THRB: variants seen among roughly 807,000 people sequenced by gnomAD.
The protein encoded by THRB is thyroid hormone receptor beta, also known as nuclear receptor subfamily 1 group A member 2.
THRB carries 12 observed loss-of-function variants against 47.8 expected under a neutral mutation model. The observed-to-expected ratio is 0.25, with a 90% CI of 0.16 to 0.41. THRB has a LOEUF of 0.41. THRB is among the 10% of genes least tolerant of loss of function. The pLI is 1.00. For missense variants in THRB, 348 were observed against 589.2 expected, an observed-to-expected ratio of 0.59 and a Z score of 4.24; for synonymous variants, 218 against 212.2, an observed-to-expected ratio of 1.03 and a Z score of -0.24.
chr3:24,130,632 A>C (rs886984178), intron 9 of THRB, among the ~76,000 whole-genome samples: 17 of 152,130 alleles, frequency 1.1e-4, no homozygotes, highest in African/African-American at 4.1e-4. Flanking sequence ...GACAAAAGAG[A>C]ACGATGACAG....
At chr3:24,135,233 A>G (rs919715812) in intron 8 of THRB, among the ~76,000 whole-genome samples, 3 of 152,204 alleles carry the variant, frequency 2.0e-5, no homozygotes, top group Non-Finnish European at 4.4e-5. Flanking sequence ...CAGAAGAAAA[A>G]GCAAAAGATG....
intron 3 of THRB, among the ~76,000 whole-genome samples, chr3:24,278,979 G>C (rs571635560): frequency 1.3e-5 from 2 of 152,108 alleles, no homozygotes; most frequent in African/African-American, 4.8e-5. Context: ...CAAGTAGTTA[G>C]GACTACCGGT....
intron 2 of THRB, among the ~76,000 whole-genome samples, chr3:24,326,040 C>CA (rs2149335373): frequency 6.6e-6 from 1 of 152,288 alleles, no homozygotes; most frequent in Non-Finnish European, 1.5e-5. Context: ...CTAATGCCCT[C>CA]AGTCAAGGAT....
At chr3:24,346,956 T>A (rs1387739455) in intron 1 of THRB, among the ~76,000 whole-genome samples, 2 of 152,084 alleles carry the variant, frequency 1.3e-5, no homozygotes, top group African/African-American at 4.8e-5. Context: ...AGCCAACAAT[T>A]ACAGAATACA....
intron 1 of THRB, among the ~76,000 whole-genome samples, chr3:24,445,795 T>C (rs2072016569): frequency 6.6e-6 from 1 of 152,128 alleles, no homozygotes; most frequent in Non-Finnish European, 1.5e-5. Flanking sequence ...AAAGATGTAA[T>C]GCAAAACTAT....
intron 2 of THRB, among the ~76,000 whole-genome samples, chr3:24,322,721 G>T (rs2058563898): frequency 6.6e-6 from 1 of 152,174 alleles, no homozygotes; most frequent in African/African-American, 2.4e-5. Context: ...CAAGGCAATG[G>T]TTCATCTAGA....
At chr3:24,200,154 G>A (rs1322783995) in intron 4 of THRB, among the ~76,000 whole-genome samples, 2 of 152,118 alleles carry the variant, frequency 1.3e-5, no homozygotes, top group Non-Finnish European at 2.9e-5. Flanking sequence ...AGCCACAAAT[G>A]CACATAAAAG....
intron 3 of THRB, among the ~76,000 whole-genome samples, chr3:24,285,794 G>C (rs2055215936): frequency 6.6e-6 from 1 of 152,078 alleles, no homozygotes; most frequent in African/African-American, 2.4e-5. Context: ...GCATTACATT[G>C]ATTCCTAAGG....
intron 3 of THRB, among the ~76,000 whole-genome samples, chr3:24,295,172 C>T (rs918871388): frequency 3.9e-5 from 6 of 152,118 alleles, no homozygotes; most frequent in African/African-American, 1.4e-4. Flanking sequence ...AACATAGGCA[C>T]AGCATTGTAT....
intron 3 of THRB, among the ~76,000 whole-genome samples, chr3:24,245,973 G>A (rs1038608510): frequency 7.9e-5 from 12 of 152,134 alleles, no homozygotes; most frequent in Admixed American, 2.0e-4. Flanking sequence ...TGTGGGTTAC[G>A]TAAAGTGTAG....
At chr3:24,349,867 T>A (rs1344524449) in intron 1 of THRB, among the ~76,000 whole-genome samples, 3 of 151,212 alleles carry the variant, frequency 2.0e-5, no homozygotes, top group Non-Finnish European at 4.4e-5. Flanking sequence ...TAAAAGGAGG[T>A]AATAAAGGAA....
chr3:24,323,635 T>A (rs886257029), intron 2 of THRB, among the ~76,000 whole-genome samples: 8 of 152,204 alleles, frequency 5.3e-5, no homozygotes, highest in Non-Finnish European at 1.2e-4. Context: ...ATGTTCATTG[T>A]TCTATAATCC....
At chr3:24,178,232 A>C (rs2041430571) in intron 5 of THRB, among the ~76,000 whole-genome samples, 1 of 152,214 alleles carries the variant, frequency 6.6e-6, no homozygotes, top group African/African-American at 2.4e-5. Context: ...AAGATTGAAA[A>C]CTATTTCTGC....
At chr3:24,187,610 C>T (rs140812376) in intron 5 of THRB, among the ~76,000 whole-genome samples, 2 of 152,264 alleles carry the variant, frequency 1.3e-5, no homozygotes, top group East Asian at 3.9e-4. Flanking sequence ...CAATAAACAC[C>T]GATGAGTGAA....
At chr3:24,290,189 T>G (rs535870043) in intron 3 of THRB, among the ~76,000 whole-genome samples, 1 of 152,266 alleles carries the variant, frequency 6.6e-6, no homozygotes, top group Admixed American at 6.5e-5. Flanking sequence ...AGAAAAATAT[T>G]TGGTGCTTAG....
intron 4 of THRB, among the ~76,000 whole-genome samples, chr3:24,219,676 G>C (rs1382886828): frequency 6.6e-6 from 1 of 152,106 alleles, no homozygotes; most frequent in African/African-American, 2.4e-5. Context: ...TTTTTTGTAG[G>C]TACTCAGATG....
At position 24,432,035 on chromosome 3, in the gene THRB, G is replaced by T. The variant is rs894198072; in HGVS notation, c.-261+62617C>A. On this transcript the variant is annotated intron_variant, in intron 1 of 10. Coordinates refer to ENST00000646209, the MANE Select transcript of THRB (RefSeq NM_001354712.2). ...ACAGAAAATTGATAATAGGGAGGCA[G>T]GAGATAGGATCAGGGAGGAATACTA... is the stretch of plus-strand genomic sequence containing the variant. Among the ~76,000 whole-genome samples the T allele has an allele frequency of 9.2e-5, 14 of 152,152 alleles. No individual in the cohort carries two copies. The South Asian group carries it at 2.9e-3, about 32-fold the overall frequency.
chr3:24,307,511 T>C lies in THRB; in HGVS notation c.-188-10140A>G, dbSNP rs180749663. Among the ~76,000 whole-genome samples the C allele has an allele frequency of 2.6e-5, 4 of 152,304 alleles. No homozygotes were observed. In the East Asian group the frequency reaches 7.7e-4, roughly 29 times the overall value. ...ATAAACAGCACTTTCAATGACTTTA[T>C]ATAGTTCACCATGTAGATATAACAT... On this transcript the variant is annotated intron_variant, in intron 2 of 10. Transcript: ENST00000646209.
At chr3:24,476,643 T>A (rs11719769) in intron 1 of THRB, among the ~76,000 whole-genome samples, 29,395 of 152,154 alleles carry the variant, frequency 0.19, 3,634 homozygotes, top group East Asian at 0.45. Context: ...TTCTTTTGGA[T>A]TCAAAGGTAT....
Sources: allele counts gnomAD v4.1 joint callset (sites outside exome capture counted in the v4.1 genomes callset), GRCh38; gene constraint gnomAD v4.1.1; transcripts MANE v1.5; gene names NCBI Gene and HGNC (gene_info 2026-07-23, HGNC 2026-07-21).